The following GRM5 variants were observed in gnomAD, a reference collection of about 807,000 sequenced individuals.
GRM5 encodes the protein metabotropic glutamate receptor 5.
GRM5 carries 19 observed loss-of-function variants against 83.1 expected under a neutral mutation model. The ratio of observed to expected loss-of-function variants is 0.23; its 90% CI spans 0.16 to 0.34. The LOEUF is 0.34. Ranked by LOEUF, GRM5 falls within the 10% of genes least tolerant of loss-of-function variation. The pLI is 1.00. For missense variants in GRM5, 1,160 were observed against 1,588.3 expected, an observed-to-expected ratio of 0.73 and a Z score of 4.58; for synonymous variants, 675 against 633.6, an observed-to-expected ratio of 1.07 and a Z score of -0.98.
chr11:88,831,961 G>A (rs1944003293), intron 3 of GRM5, among the ~76,000 whole-genome samples: 1 of 152,118 alleles, frequency 6.6e-6, no homozygotes, highest in Non-Finnish European at 1.5e-5. Flanking sequence ...TGAGACCCAG[G>A]CACATTTAGC....
At chr11:88,550,875 G>A (rs1942492116) in intron 8 of GRM5, among the ~76,000 whole-genome samples, 1 of 152,062 alleles carries the variant, frequency 6.6e-6, no homozygotes, top group South Asian at 2.1e-4. Flanking sequence ...TAAGCTAATG[G>A]ACTCTAGAGA....
intron 2 of GRM5, among the ~76,000 whole-genome samples, chr11:88,888,347 A>C (rs1221742877): frequency 2.0e-5 from 3 of 152,178 alleles, no homozygotes; most frequent in Non-Finnish European, 4.4e-5. Flanking sequence ...TAGGTCTCCT[A>C]TAGTAGGCCA....
chr11:88,819,249 A>G (rs985867975), intron 3 of GRM5, among the ~76,000 whole-genome samples: 3 of 152,240 alleles, frequency 2.0e-5, no homozygotes, highest in South Asian at 4.1e-4. Flanking sequence ...TGTGAACTCC[A>G]GCTTTCTCCT....
At chr11:88,886,575 C>T (rs1276890122) in intron 2 of GRM5, among the ~76,000 whole-genome samples, 1 of 152,072 alleles carries the variant, frequency 6.6e-6, no homozygotes, top group African/African-American at 2.4e-5. Flanking sequence ...AACCAGCTTC[C>T]TTTCACTGAG....
Position 88,868,694 on chromosome 11 carries a change from A to G in GRM5, c.662-18539T>C, listed in dbSNP as rs142794999. Among the ~76,000 whole-genome samples, 56 of 151,912 alleles carry G rather than the reference A, an allele frequency of 3.7e-4. 1 individual carries two copies. The East Asian group carries it at 0.01, about 28-fold the overall frequency. On this transcript the variant is annotated intron_variant, in intron 2 of 9. Coordinates refer to ENST00000305447, the MANE Select transcript of GRM5 (RefSeq NM_001143831.3). ...GCCAAGCATTCTTTCTAGAAATTTA[A>G]AACTAAAACTGCTCATTAGATATGC...
At chr11:89,024,511 G>C (rs1941079812) in intron 2 of GRM5, among the ~76,000 whole-genome samples, 1 of 152,186 alleles carries the variant, frequency 6.6e-6, no homozygotes, top group Non-Finnish European at 1.5e-5. Context: ...TTCAAATAAT[G>C]TAAGTTTTCA....
At position 88,804,182 on chromosome 11, in the gene GRM5, C is replaced by T. The variant is rs1311110382; in HGVS notation, c.911+45724G>A. 6.0e-5 allele frequency among the ~76,000 whole-genome samples: 9 copies of T among 150,666 alleles called. No homozygotes were observed. The East Asian group carries it at 1.8e-3, about 29-fold the overall frequency. ...ACCATTTGACCCAGCCATCCCATTA[C>T]TGGGTATATACCCAAAGGACTATAA... On this transcript the variant is annotated intron_variant, in intron 3 of 9. Transcript: ENST00000305447.
intron 3 of GRM5, among the ~76,000 whole-genome samples, chr11:88,772,054 C>A (rs569339233): frequency 1.3e-4 from 19 of 151,344 alleles, no homozygotes; most frequent in Admixed American, 2.0e-4. Context: ...TTTAACTGAG[C>A]AGTATTATGT....
intron 4 of GRM5, among the ~76,000 whole-genome samples, chr11:88,646,366 T>A (rs1939447453): frequency 1.5e-5 from 1 of 65,590 alleles, no homozygotes; most frequent in South Asian, 1.1e-3. Context: ...ACTGTGCCAT[T>A]TAAGTAAAAC....
At chr11:88,908,406 A>G (rs1177081515) in intron 2 of GRM5, among the ~76,000 whole-genome samples, 1 of 152,122 alleles carries the variant, frequency 6.6e-6, no homozygotes, top group African/African-American at 2.4e-5. Flanking sequence ...TGGGTTTGGT[A>G]AGTAGTGACT....
At chr11:88,855,614 G>A (rs987759644) in intron 2 of GRM5, among the ~76,000 whole-genome samples, 59 of 151,790 alleles carry the variant, frequency 3.9e-4, no homozygotes, top group Non-Finnish European at 5.7e-4. Context: ...TATAAACAAC[G>A]ATGCTGAATT....
chr11:88,830,890 TG>T (rs1162340129), intron 3 of GRM5, among the ~76,000 whole-genome samples: 1 of 152,080 alleles, frequency 6.6e-6, no homozygotes, highest in Non-Finnish European at 1.5e-5. Flanking sequence ...AGGTCTCACA[TG>T]GATGGCAGCA....
At chr11:88,827,271 C>G (rs1197705409) in intron 3 of GRM5, among the ~76,000 whole-genome samples, 2 of 152,192 alleles carry the variant, frequency 1.3e-5, no homozygotes, top group Non-Finnish European at 2.9e-5. Flanking sequence ...TCATCTGGCA[C>G]TACTCCACAT....
At chr11:88,654,002 C>T (rs75417664) in intron 3 of GRM5, among the ~76,000 whole-genome samples, 15,276 of 152,036 alleles carry the variant, frequency 0.1, 1,415 homozygotes, top group African/African-American at 0.23. Flanking sequence ...ATAGTCCATA[C>T]ACTATTTTCT....
At chr11:88,722,713 T>C (rs992006005) in intron 3 of GRM5, among the ~76,000 whole-genome samples, 1 of 152,212 alleles carries the variant, frequency 6.6e-6, no homozygotes, top group Non-Finnish European at 1.5e-5. Flanking sequence ...AAGTAGATTT[T>C]AATTTTTAGC....
intron 4 of GRM5, among the ~76,000 whole-genome samples, chr11:88,626,939 T>C (rs1282251097): frequency 1.3e-5 from 2 of 152,192 alleles, no homozygotes; most frequent in African/African-American, 4.8e-5. Context: ...TATGTTCACA[T>C]CCTGATCTCC....
chr11:88,941,755 G>A (rs770180434), intron 2 of GRM5, among the ~76,000 whole-genome samples: 3 of 151,840 alleles, frequency 2.0e-5, no homozygotes, highest in Admixed American at 2.0e-4. Flanking sequence ...ATATTTGATG[G>A]TCAGAATCTT....
chr11:88,749,410 A>G (rs931593709), intron 3 of GRM5, among the ~76,000 whole-genome samples: 3 of 152,312 alleles, frequency 2.0e-5, no homozygotes, highest in Admixed American at 6.5e-5. Context: ...ATTAAAATAA[A>G]TTAACAAAAC....
chr11:88,971,272 T>A (rs139912134), intron 2 of GRM5, among the ~76,000 whole-genome samples: 7,542 of 152,262 alleles, frequency 0.05, 619 homozygotes, highest in African/African-American at 0.17. Context: ...TTTGCTTTTT[T>A]AAATTTAACT....
Sources: gnomAD v4.1 joint callset for allele counts (sites outside exome capture counted in the v4.1 genomes callset) on GRCh38, gnomAD v4.1.1 for gene constraint, MANE v1.5 for transcripts, NCBI Gene and HGNC (gene_info 2026-07-23, HGNC 2026-07-21) for gene names.